Variants in SLC25A26 observed in about 807,000 individuals in gnomAD.
SLC25A26 encodes mitochondrial S-adenosylmethionine carrier protein.
In SLC25A26, 36 loss-of-function variants were observed where a neutral mutation model predicts 37.8. That is an observed-to-expected ratio of 0.95 (90% CI 0.73 to 1.26). The LOEUF (loss-of-function observed/expected upper bound fraction) is 1.26. Among genes scored for constraint, SLC25A26 ranks in the 50% most tolerant of loss-of-function variants. SLC25A26 has a pLI of 0.00. For synonymous variants in SLC25A26, 129 were observed against 122.5 expected (o/e 1.05, Z -0.35); for missense variants, 390 against 331.1 (o/e 1.18, Z -1.38).
At chr3:66,360,069 G>C (rs1239690254) in intron 6 of SLC25A26, among the ~76,000 whole-genome samples, 1 of 152,206 alleles carries the variant, frequency 6.6e-6, no homozygotes, top group Non-Finnish European at 1.5e-5. Context: ...CTTAAGAGAA[G>C]TTGTGAAAGT....
At chr3:66,362,549 C>G (rs1461090431) in intron 6 of SLC25A26, among the ~76,000 whole-genome samples, 4 of 152,154 alleles carry the variant, frequency 2.6e-5, no homozygotes, top group Non-Finnish European at 5.9e-5. Context: ...CATAGGGATA[C>G]AAGAAAACTT....
intron 1 of SLC25A26, among the ~76,000 whole-genome samples, chr3:66,192,383 C>T (rs1007635771): frequency 1.9e-3 from 290 of 150,358 alleles, no homozygotes; most frequent in African/African-American, 6.5e-3. Context: ...CTCCAGCATG[C>T]GAGGGTATGA....
intron 6 of SLC25A26, 51 bp from the exon 7 acceptor site, chr3:66,362,809 G>A (rs997787859): frequency 1.3e-5 from 18 of 1,370,264 alleles, no homozygotes; most frequent in African/African-American, 4.4e-5. Flanking sequence ...AGGAGGTTCC[G>A]ATAAATTCAA....
chr3:66,137,154 A>C (rs1443267780), intron 1 of SLC25A26, among the ~76,000 whole-genome samples: 31 of 151,902 alleles, frequency 2.0e-4, no homozygotes. Context: ...TGCCATGAGA[A>C]ATCACCATCT....
intron 5 of SLC25A26, among the ~76,000 whole-genome samples, chr3:66,302,342 T>C (rs763700837): frequency 2.6e-5 from 4 of 152,206 alleles, no homozygotes; most frequent in Non-Finnish European, 5.9e-5. Context: ...CAAGTTTTCT[T>C]GGACAATCTG....
At chr3:66,154,395 G>A (rs1341121661) in intron 1 of SLC25A26, among the ~76,000 whole-genome samples, 3 of 152,064 alleles carry the variant, frequency 2.0e-5, no homozygotes, top group African/African-American at 7.2e-5. Flanking sequence ...AGGGTTGTAC[G>A]ATGTGTATTA....
chr3:66,275,007 T>C (rs2074088549), intron 5 of SLC25A26, among the ~76,000 whole-genome samples: 1 of 151,924 alleles, frequency 6.6e-6, no homozygotes, highest in Admixed American at 6.6e-5. Flanking sequence ...AAGCCAAATG[T>C]CCAACAATGA....
intron 3 of SLC25A26, among the ~76,000 whole-genome samples, chr3:66,244,834 G>A (rs558912424): frequency 9.2e-5 from 14 of 152,028 alleles, no homozygotes; most frequent in Middle Eastern, 3.4e-3. Flanking sequence ...AAAATTAGCC[G>A]GGTGTGGTGG....
intron 5 of SLC25A26, among the ~76,000 whole-genome samples, chr3:66,319,151 A>G (rs1036910563): frequency 6.6e-6 from 1 of 152,234 alleles, no homozygotes; most frequent in Non-Finnish European, 1.5e-5. Flanking sequence ...AAATCAGGTT[A>G]GAGTTTGTAG....
At chr3:66,307,668 A>G (rs2075265185) in intron 5 of SLC25A26, among the ~76,000 whole-genome samples, 1 of 152,140 alleles carries the variant, frequency 6.6e-6, no homozygotes, top group Non-Finnish European at 1.5e-5. Context: ...TCTTGAGTTA[A>G]TTTTTGTATT....
At chr3:66,198,725 C>T (rs1372366033) in intron 1 of SLC25A26, among the ~76,000 whole-genome samples, 3 of 151,810 alleles carry the variant, frequency 2.0e-5, no homozygotes, top group Non-Finnish European at 4.4e-5. Flanking sequence ...TAACCTTAAC[C>T]TGTCCTTTAC....
At chr3:66,320,077 T>C (rs1315567486) in intron 5 of SLC25A26, among the ~76,000 whole-genome samples, 1 of 152,238 alleles carries the variant, frequency 6.6e-6, no homozygotes, top group Non-Finnish European at 1.5e-5. Context: ...TTGAATTAAT[T>C]AAACTTGAGC....
intron 3 of SLC25A26, among the ~76,000 whole-genome samples, chr3:66,246,694 G>T (rs370092200): frequency 1.3e-5 from 2 of 152,248 alleles, no homozygotes; most frequent in African/African-American, 4.8e-5. Flanking sequence ...TGGGGGTTCT[G>T]TGGTCCCTGA....
chr3:66,216,100 G>T (rs928264570), upstream of SLC25A26, among the ~76,000 whole-genome samples: 2 of 152,294 alleles, frequency 1.3e-5, no homozygotes, highest in East Asian at 1.9e-4. Flanking sequence ...TCACAAGGGA[G>T]GAGCCATCAT....
At chr3:66,274,637 G>T (rs1203309670) in intron 5 of SLC25A26, among the ~76,000 whole-genome samples, 1 of 152,180 alleles carries the variant, frequency 6.6e-6, no homozygotes, top group Non-Finnish European at 1.5e-5. Context: ...GCAGCCAAAA[G>T]ACACATGAAA....
intron 1 of SLC25A26, among the ~76,000 whole-genome samples, chr3:66,156,541 T>C (rs1291607212): frequency 6.6e-6 from 1 of 152,168 alleles, no homozygotes; most frequent in East Asian, 1.9e-4. Context: ...TGCCAAGATT[T>C]GGTTCTTCTG....
rs545353680 is a variant in SLC25A26, at chr3:66,263,343, G to T, written c.417G>T (p.Gly139=). The stretch of plus-strand genomic sequence containing the variant: ...TGTGTTTGTTTCAGGGTATCCAAGG[G>T]TTGTATCGAGGCTATAAAAGCACAG... The part of the protein sequence containing the change: ...SNILYEEGIQ[G]LYRGYKSTVL... Residue 139 remains glycine (G), a synonymous_variant, in exon 5 of 10, where the codon GGG becomes GGT. Coordinates refer to ENST00000354883, the MANE Select transcript of SLC25A26 (RefSeq NM_001379210.1). The T allele has an allele frequency of 1.2e-4, 186 of 1,612,250 alleles. 1 individual carries two copies. The South Asian group carries it at 1.7e-3, about 14-fold the overall frequency.
chr3:66,370,380 A>G (rs1160372030), intron 8 of SLC25A26, 149 bp from the exon 9 acceptor site: 5 of 719,660 alleles, frequency 6.9e-6, no homozygotes, highest in Non-Finnish European at 1.2e-5. Flanking sequence ...CGAGCGAGCC[A>G]GGTCCTGATT....
intron 5 of SLC25A26, among the ~76,000 whole-genome samples, chr3:66,306,774 G>T (rs1559680651): frequency 6.6e-6 from 1 of 152,122 alleles, no homozygotes; most frequent in Non-Finnish European, 1.5e-5. Context: ...TTCTGTTCCT[G>T]TGTTAGTTTG....
Sources: gnomAD v4.1 joint callset for allele counts (sites outside exome capture counted in the v4.1 genomes callset) on GRCh38, gnomAD v4.1.1 for gene constraint, MANE v1.5 for transcripts, NCBI Gene and HGNC (gene_info 2026-07-23, HGNC 2026-07-21) for gene names.